Variants in DLGAP2 observed in about 807,000 individuals in gnomAD.
The protein encoded by DLGAP2 is DLG associated protein 2.
DLGAP2 carries 26 observed loss-of-function variants against 100.3 expected under a neutral mutation model. The observed-to-expected ratio is 0.26, with a 90% CI of 0.19 to 0.36. DLGAP2 has a LOEUF of 0.36. Ranked by LOEUF, DLGAP2 falls within the 10% of genes least tolerant of loss-of-function variation. DLGAP2 has a pLI of 1.00. For missense variants in DLGAP2, 1,858 were observed against 1,453.2 expected (o/e 1.28, Z -4.53); for synonymous variants, 886 against 630.1 (o/e 1.41, Z -6.08).
chr8:1,194,700 C>A (rs1386963187), intron 2 of DLGAP2, among the ~76,000 whole-genome samples: 1 of 152,218 alleles, frequency 6.6e-6, no homozygotes, highest in Non-Finnish European at 1.5e-5. Flanking sequence ...CCCGGAGCTG[C>A]TTCAGGTGTC....
rs771471517 is a variant in DLGAP2 at position 1,697,317 on chromosome 8, G to A, written c.2949+18G>A. Reference sequence around the variant, plus strand: ...AAAGAAAGGTAAGGGCATCCATGCAGGGCCGGCTCCCAGCAAACCCCCTTT... The same window carrying A: ...AAAGAAAGGTAAGGGCATCCATGCAAGGCCGGCTCCCAGCAAACCCCCTTT... On this transcript the variant is annotated intron_variant, in intron 14 of 14. Transcript: ENST00000637795. The A allele has an allele frequency of 6.3e-7, 1 of 1,575,002 alleles. No homozygotes were observed. The highest frequency in any genetic ancestry group is 2.3e-5 in the East Asian group (1 of 44,126).
rs114606998 is a variant in DLGAP2, at chr8:1,274,959, A to G, written c.106+16076A>G. ...TTGCGGCAGCCATGAGTGAGTGTTCACTGCCTGCTGCTGTGTCCGCAGTCC... is the reference window on the plus strand; with the variant it reads ...TTGCGGCAGCCATGAGTGAGTGTTCGCTGCCTGCTGCTGTGTCCGCAGTCC... On this transcript the variant is annotated intron_variant, in intron 3 of 14. Coordinates refer to ENST00000637795, the MANE Select transcript of DLGAP2 (RefSeq NM_001346810.2). 6.1e-3 allele frequency among the ~76,000 whole-genome samples: 924 copies of G among 152,120 alleles called. 11 individuals are homozygous for G. The highest frequency in any genetic ancestry group is 0.02 in the African/African-American group (841 of 41,502).
chr8:1,429,548 T>G (rs1584891669), intron 3 of DLGAP2, among the ~76,000 whole-genome samples: 1 of 152,252 alleles, frequency 6.6e-6, no homozygotes, highest in Admixed American at 6.5e-5. Flanking sequence ...CATGGAACAC[T>G]GCCCTTTTGT....
intron 1 of DLGAP2, among the ~76,000 whole-genome samples, chr8:830,275 C>G (rs954397824): frequency 2.6e-5 from 4 of 152,176 alleles, no homozygotes; most frequent in African/African-American, 7.2e-5. Context: ...TATCCATCCC[C>G]TCAAGCATTT....
intron 2 of DLGAP2, among the ~76,000 whole-genome samples, chr8:1,099,003 G>T (rs1438419620): frequency 6.6e-6 from 1 of 152,174 alleles, no homozygotes; most frequent in Non-Finnish European, 1.5e-5. Context: ...GTTTGGAAAA[G>T]GGTACATTTC....
intron 2 of DLGAP2, among the ~76,000 whole-genome samples, chr8:1,104,420 A>G (rs1804686231): frequency 6.6e-6 from 1 of 152,206 alleles, no homozygotes; most frequent in Non-Finnish European, 1.5e-5. Flanking sequence ...CAGTCATGTT[A>G]CGGAAATCCC....
chr8:797,176 C>G (rs1796053348), intron 1 of DLGAP2, among the ~76,000 whole-genome samples: 1 of 152,212 alleles, frequency 6.6e-6, no homozygotes, highest in East Asian at 1.9e-4. Context: ...AAGAAGACGT[C>G]CCGTCATCTC....
At chr8:1,377,070 G>A (rs528351708) in intron 3 of DLGAP2, among the ~76,000 whole-genome samples, 7 of 152,350 alleles carry the variant, frequency 4.6e-5, no homozygotes, top group African/African-American at 1.4e-4. Context: ...ATAGGGCAGT[G>A]AGATGCCTGC....
chr8:1,487,532 A>C (rs1799261531), intron 3 of DLGAP2, among the ~76,000 whole-genome samples: 1 of 152,256 alleles, frequency 6.6e-6, no homozygotes, highest in Non-Finnish European at 1.5e-5. Flanking sequence ...ATGCAGGTTT[A>C]AAACAGTGCT....
chr8:1,417,180 T>A, intron 3 of DLGAP2, among the ~76,000 whole-genome samples: 1 of 135,652 alleles, frequency 7.4e-6, no homozygotes, highest in Non-Finnish European at 1.6e-5. Flanking sequence ...CCCGTTCATT[T>A]AGTGTCTGAG....
chr8:1,588,336 C>G (rs563264264), intron 6 of DLGAP2, among the ~76,000 whole-genome samples: 1 of 152,020 alleles, frequency 6.6e-6, no homozygotes, highest in African/African-American at 2.4e-5. Context: ...TCTGTAAGAT[C>G]TGAGGACACA....
At chr8:1,039,784 A>G (rs74781273) in intron 2 of DLGAP2, among the ~76,000 whole-genome samples, 60 of 72,318 alleles carry the variant, frequency 8.3e-4, no homozygotes, top group Middle Eastern at 0.013. Context: ...TTGGCTCGGT[A>G]TGCATGTTCA....
intron 1 of DLGAP2, among the ~76,000 whole-genome samples, chr8:905,502 C>A (rs1431913114): frequency 1.3e-5 from 2 of 152,172 alleles, no homozygotes; most frequent in Non-Finnish European, 2.9e-5. Context: ...AAAACAGGCC[C>A]TGGCAGATGC....
chr8:1,243,316 T>C (rs2116863595), intron 2 of DLGAP2, among the ~76,000 whole-genome samples: 1 of 152,236 alleles, frequency 6.6e-6, no homozygotes, highest in Non-Finnish European at 1.5e-5. Flanking sequence ...GCAGCTCTGC[T>C]CTGCGAGGTC....
At position 1,436,852 on chromosome 8, in the gene DLGAP2, A is replaced by G. The variant is rs184312205; in HGVS notation, c.107-64514A>G. Among the ~76,000 whole-genome samples the G allele has an allele frequency of 1.6e-3, 237 of 152,286 alleles. 1 individual carries two copies. The highest frequency in any genetic ancestry group is 5.4e-3 in the African/African-American group (223 of 41,552). Reference sequence around the variant, plus strand: ...CGTACCATTTTTAACCTTTTGTACCATATTTTTACTGTAGCTTTTCTATGT... The same window carrying G: ...CGTACCATTTTTAACCTTTTGTACCGTATTTTTACTGTAGCTTTTCTATGT... On this transcript the variant is annotated intron_variant, in intron 3 of 14. Transcript: ENST00000637795.
intron 2 of DLGAP2, among the ~76,000 whole-genome samples, chr8:1,170,075 G>C (rs1353804385): frequency 3.3e-5 from 5 of 152,122 alleles, no homozygotes; most frequent in South Asian, 2.1e-4. Context: ...CTAATTTATT[G>C]AGAGTTTTTA....
chr8:1,173,885 C>T (rs1797190079), intron 2 of DLGAP2, among the ~76,000 whole-genome samples: 1 of 152,236 alleles, frequency 6.6e-6, no homozygotes. Flanking sequence ...TGCACGCACC[C>T]ACTGACCTGC....
intron 1 of DLGAP2, among the ~76,000 whole-genome samples, chr8:764,903 C>G (rs1413344914): frequency 1.3e-5 from 2 of 152,194 alleles, no homozygotes; most frequent in Non-Finnish European, 1.5e-5. Flanking sequence ...CTAACCTACT[C>G]AAAGCAAAAT....
Position 1,284,517 on chromosome 8 carries a change from C to T in DLGAP2, c.106+25634C>T, listed in dbSNP as rs374709845. ...AAGACCACAGTCCCCACGCAAACCA[C>T]GAGCTGTCAACTCACCGCTTTCAGT... On this transcript the variant is annotated intron_variant, in intron 3 of 14. Coordinates refer to ENST00000637795, the MANE Select transcript of DLGAP2 (RefSeq NM_001346810.2). Among the ~76,000 whole-genome samples the T allele has an allele frequency of 3.3e-5, 5 of 152,318 alleles. No homozygotes were observed. In the East Asian group the frequency reaches 5.8e-4, roughly 18 times the overall value.
Sources: allele counts gnomAD v4.1 joint callset (sites outside exome capture counted in the v4.1 genomes callset), GRCh38; gene constraint gnomAD v4.1.1; transcripts MANE v1.5; gene names NCBI Gene and HGNC (gene_info 2026-07-23, HGNC 2026-07-21).